The following CHST15 variants were observed in gnomAD, a reference collection of about 807,000 sequenced individuals.
The protein encoded by CHST15 is carbohydrate sulfotransferase 15, also known as B cell RAG associated protein (GALNAC4S-6ST).
Under a neutral mutation model 53.6 loss-of-function variants are expected in CHST15, and 30 were observed. That is an observed-to-expected ratio of 0.56 (90% CI 0.42 to 0.76). The LOEUF is 0.76. CHST15 is among the 30% of genes least tolerant of loss of function. The probability of loss-of-function intolerance (pLI) is 0.00; values close to 1 mark genes in which losing one functional copy is unlikely to be tolerated. For missense variants in CHST15, 627 were observed against 740.5 expected (o/e 0.85, Z 1.78); for synonymous variants, 296 against 289.8 (o/e 1.02, Z -0.22).
intron 6 of CHST15, chr10:124,020,839 G>A (rs1010952582): frequency 1.6e-6 from 2 of 1,235,928 alleles, no homozygotes; most frequent in African/African-American, 3.1e-5. Flanking sequence ...TTGAGACTCT[G>A]TCAAAGAAGC....
chr10:124,032,811 G>GAA (rs11429939), intron 5 of CHST15, among the ~76,000 whole-genome samples: 4,560 of 135,908 alleles, frequency 0.034, 112 homozygotes, highest in African/African-American at 0.046. Flanking sequence ...TTCTCCTCCA[G>GAA]AAAAAAAAAA....
chr10:124,077,304 C>T (rs1949106199), intron 1 of CHST15, among the ~76,000 whole-genome samples: 1 of 152,194 alleles, frequency 6.6e-6, no homozygotes, highest in South Asian at 2.1e-4. Context: ...ATAGCAAAGG[C>T]TGTTTCCATG....
chr10:124,044,952 G>C (rs367770272), intron 2 of CHST15, 33 bp from the exon 3 acceptor site: 32 of 1,388,628 alleles, frequency 2.3e-5, no homozygotes, highest in East Asian at 1.1e-4. Context: ...AGACACAGAG[G>C]AGGGGAAAAT....
intron 5 of CHST15, among the ~76,000 whole-genome samples, chr10:124,037,505 CCT>C (rs1268759112): frequency 6.6e-6 from 1 of 152,214 alleles, no homozygotes; most frequent in African/African-American, 2.4e-5. Flanking sequence ...CGGAGAATTC[CCT>C]GACTCAGAGG....
chr10:124,009,539 G>C lies in CHST15; in HGVS notation c.*610C>G. 1.0e-6 allele frequency: 1 copy of C among 987,394 alleles called. No homozygotes were observed. Among genetic ancestry groups the C allele is most frequent in the Non-Finnish European group, 1.2e-6 (1 of 831,360 alleles). 61.2% of individuals were successfully genotyped at this position (987,394 alleles called of 1,614,324 possible). A position where few individuals can be genotyped will look rare whatever the true frequency, so the allele number is the denominator to read the frequency against. On this transcript the variant is annotated 3_prime_UTR_variant, in exon 8 of 8. Coordinates refer to ENST00000435907, the MANE Select transcript of CHST15 (RefSeq NM_001270764.2). ...CTGGAGGGCTGAGTTTGGAGTAAAG[G>C]AGAAAAAAAAAATGAAGAGCCTCCA...
chr10:124,026,664 G>A (rs1947024328), intron 5 of CHST15, among the ~76,000 whole-genome samples: 1 of 152,198 alleles, frequency 6.6e-6, no homozygotes, highest in South Asian at 2.1e-4. Flanking sequence ...TGCATTAACA[G>A]GGGCACGGCA....
intron 5 of CHST15, 131 bp from the exon 6 acceptor site, chr10:124,021,543 TC>T: frequency 6.9e-7 from 1 of 1,451,564 alleles, no homozygotes; most frequent in Non-Finnish European, 9.1e-7. Flanking sequence ...CCTTCTTCTT[TC>T]CCTTGCAGAT....
intron 5 of CHST15, among the ~76,000 whole-genome samples, chr10:124,032,827 A>AAC (rs1947277028): frequency 6.6e-6 from 1 of 151,508 alleles, no homozygotes; most frequent in African/African-American, 2.4e-5. Flanking sequence ...AAAAAAAAAA[A>AAC]TGGACTTGCC....
chr10:124,080,007 TACATA>T (rs1949187055), intron 1 of CHST15, among the ~76,000 whole-genome samples: 1 of 152,174 alleles, frequency 6.6e-6, no homozygotes, highest in Non-Finnish European at 1.5e-5. Context: ...AGCATGTGCT[TACATA>T]AAAATAACTC....
At chr10:124,092,033 C>G (rs1217219056) in intron 1 of CHST15, among the ~76,000 whole-genome samples, 1 of 152,340 alleles carries the variant, frequency 6.6e-6, no homozygotes, top group Non-Finnish European at 1.5e-5. Flanking sequence ...CACGCCGGCC[C>G]ATCGGTTGCC....
At chr10:124,069,112 A>G (rs1036512240) in intron 1 of CHST15, among the ~76,000 whole-genome samples, 5 of 152,190 alleles carry the variant, frequency 3.3e-5, no homozygotes, top group African/African-American at 1.2e-4. Context: ...ACAGACATCC[A>G]TCGGCTTAGC....
chr10:124,034,647 C>T (rs1212757430), intron 5 of CHST15, among the ~76,000 whole-genome samples: 1 of 139,756 alleles, frequency 7.2e-6, no homozygotes, highest in Non-Finnish European at 1.5e-5. Context: ...ACCCTGGCTC[C>T]ACCCCTAACA....
rs1002683380 is a variant in CHST15 at position 124,024,678 on chromosome 10, A to T, written c.1191-3266T>A. Among the ~76,000 whole-genome samples the T allele has an allele frequency of 1.3e-5, 2 of 152,244 alleles. No homozygotes were observed. Among genetic ancestry groups the T allele is most frequent in the African/African-American group, 4.8e-5 (2 of 41,462 alleles). On this transcript the variant is annotated intron_variant, in intron 5 of 7. Transcript: ENST00000435907. The surrounding 1 kb of genome is among the most constrained non-coding windows in gnomAD (Gnocchi z 4.0). ...AGAATTAGAAGACACATCAAAACTGAAACACGGCATCTGTCGCCATAGGGT... is the reference window on the plus strand; with the variant it reads ...AGAATTAGAAGACACATCAAAACTGTAACACGGCATCTGTCGCCATAGGGT...
At chr10:124,069,477 G>A (rs1022823679) in intron 1 of CHST15, among the ~76,000 whole-genome samples, 1 of 152,162 alleles carries the variant, frequency 6.6e-6, no homozygotes, top group Non-Finnish European at 1.5e-5. Context: ...AATTTGGGAC[G>A]GGGAGTCCAG....
Position 124,044,664 on chromosome 10 carries a change from C to T in CHST15, c.802G>A (p.Asp268Asn), listed in dbSNP as rs1027982256. Residue 268 changes from aspartate to asparagine, a missense_variant, in exon 3 of 8, where the codon GAC becomes AAC. Physicochemically the swap from Asp to Asn is conservative, Grantham distance 23. Around this residue, in one of 3 missense-constraint regions of CHST15, gnomAD observed 161 missense variants for 117.2 expected, o/e 1.37. Transcript: ENST00000435907. ...IIGQPKCGTT[D>N]LYDRLRLHPE... ...TGCAGCCGCAGGCGGTCATAGAGGT[C>T]TGTGGTCCCGCACTTGGGCTGCCCT... The T allele has an allele frequency of 6.2e-7, 1 of 1,612,812 alleles. No individual in the cohort carries two copies. Among genetic ancestry groups the T allele is most frequent in the Non-Finnish European group, 8.5e-7 (1 of 1,179,444 alleles).
chr10:124,057,522 TACAG>T (rs1302907245), intron 1 of CHST15, among the ~76,000 whole-genome samples: 1 of 152,084 alleles, frequency 6.6e-6, no homozygotes, highest in African/African-American at 2.4e-5. Context: ...TGTCCGTTCG[TACAG>T]ACAAATAAAT....
At position 124,009,609 on chromosome 10, in the gene CHST15, G is replaced by GC. The variant is rs1222010173; in HGVS notation, c.*539dup. 1 of 989,898 alleles carries GC rather than the reference G, an allele frequency of 1.0e-6. No individual in the cohort carries two copies. Among genetic ancestry groups the GC allele is most frequent in the Non-Finnish European group, 1.2e-6 (1 of 832,482 alleles). 61.3% of individuals were successfully genotyped at this position (989,898 alleles called of 1,614,324 possible). A position where few individuals can be genotyped will look rare whatever the true frequency, so the allele number is the denominator to read the frequency against. ...CTCTGTCCCAGTGAGGTTAGCGATCGCAACAAGAGTGTTTCAGAAGTGAAT... is the reference window on the plus strand; with the variant it reads ...CTCTGTCCCAGTGAGGTTAGCGATCGCCAACAAGAGTGTTTCAGAAGTGAAT... On this transcript the variant is annotated 3_prime_UTR_variant, in exon 8 of 8. Coordinates refer to ENST00000435907, the MANE Select transcript of CHST15 (RefSeq NM_001270764.2).
intron 6 of CHST15, among the ~76,000 whole-genome samples, chr10:124,012,695 C>G (rs7893602): frequency 0.26 from 39,962 of 152,104 alleles, 5,361 homozygotes; most frequent in East Asian, 0.35. Flanking sequence ...GGTTGCATTT[C>G]ATCCTCACAA....
chr10:124,075,655 C>T (rs148729894), intron 1 of CHST15, among the ~76,000 whole-genome samples: 24 of 152,314 alleles, frequency 1.6e-4, no homozygotes, highest in African/African-American at 5.3e-4. Context: ...AACTTTAATG[C>T]TCATTCAAGA....
Sources: allele counts gnomAD v4.1 joint callset (sites outside exome capture counted in the v4.1 genomes callset), GRCh38; gene constraint gnomAD v4.1.1; regional missense constraint gnomAD v4.1.1; non-coding constraint Gnocchi (gnomAD v3.1); transcripts MANE v1.5; gene names NCBI Gene and HGNC (gene_info 2026-07-23, HGNC 2026-07-21).